RALGAPA2: variants seen among roughly 807,000 people sequenced by gnomAD.
RALGAPA2 encodes ral GTPase-activating protein subunit alpha-2.
RALGAPA2 carries 139 observed loss-of-function variants against 230.4 expected under a neutral mutation model. The ratio of observed to expected loss-of-function variants is 0.60; its 90% confidence interval spans 0.53 to 0.69. The LOEUF is 0.69. RALGAPA2 is among the 30% of genes least tolerant of loss of function. RALGAPA2 has a pLI of 0.00. For missense variants in RALGAPA2, 2,163 were observed against 2,276.0 expected (o/e 0.95, Z 1.01); for synonymous variants, 847 against 837.8 (o/e 1.01, Z -0.19).
chr20:20,688,028 T>A (rs2068767742), intron 1 of RALGAPA2, among the ~76,000 whole-genome samples: 1 of 152,076 alleles, frequency 6.6e-6, no homozygotes, highest in South Asian at 2.1e-4. Context: ...CTTATCTACA[T>A]CAGGAGGCAA....
At chr20:20,615,253 C>A (rs573350528) in intron 13 of RALGAPA2, among the ~76,000 whole-genome samples, 2 of 151,804 alleles carry the variant, frequency 1.3e-5, no homozygotes, top group South Asian at 4.2e-4. Flanking sequence ...CTCCGCCTTC[C>A]GGGTTCAAGC....
intron 36 of RALGAPA2, among the ~76,000 whole-genome samples, chr20:20,482,252 T>C (rs1203088432): frequency 6.6e-6 from 1 of 152,174 alleles, no homozygotes; most frequent in Non-Finnish European, 1.5e-5. Flanking sequence ...TGTGGGGGAA[T>C]ACAGATATGA....
At position 20,529,283 on chromosome 20, in the gene RALGAPA2, G is replaced by A. The variant is rs550225647; in HGVS notation, c.3582+2404C>T. On this transcript the variant is annotated intron_variant, in intron 27 of 39. Coordinates refer to ENST00000202677, the MANE Select transcript of RALGAPA2 (RefSeq NM_020343.4). The stretch of plus-strand genomic sequence containing the variant: ...CTCTTCTCTTTTGCTGCTATCCAGA[G>A]GGGGGAGGATTCAACAGGACAATCT... Among the ~76,000 whole-genome samples the A allele has an allele frequency of 4.6e-5, 7 of 152,152 alleles. No individual in the cohort carries two copies. In the South Asian group the frequency reaches 1.0e-3, roughly 23 times the overall value.
At chr20:20,619,515 T>C in intron 11 of RALGAPA2, 101 bp from the exon 12 acceptor site, 1 of 944,058 alleles carries the variant, frequency 1.1e-6, no homozygotes, top group Non-Finnish European at 1.3e-6. Flanking sequence ...CTAAGTTATA[T>C]TTAGTTGGCA....
intron 5 of RALGAPA2, among the ~76,000 whole-genome samples, 151 bp from the exon 6 acceptor site, chr20:20,641,029 AT>A (rs1452587360): frequency 8.5e-5 from 13 of 152,262 alleles, no homozygotes; most frequent in Non-Finnish European, 4.4e-5. Flanking sequence ...ATAAGCAAAG[AT>A]GCTGCAATAC....
chr20:20,581,153 G>A (rs915601937), intron 20 of RALGAPA2, among the ~76,000 whole-genome samples: 2 of 152,150 alleles, frequency 1.3e-5, no homozygotes, highest in Non-Finnish European at 2.9e-5. Context: ...ACAACATGGA[G>A]TGCATCATAT....
At chr20:20,473,914 T>G (rs1342920467) in intron 36 of RALGAPA2, among the ~76,000 whole-genome samples, 1 of 152,170 alleles carries the variant, frequency 6.6e-6, no homozygotes, top group Non-Finnish European at 1.5e-5. Context: ...TATTATGTGT[T>G]GGACACTGTT....
At chr20:20,516,217 T>C (rs533327968) in intron 31 of RALGAPA2, among the ~76,000 whole-genome samples, 29 of 152,202 alleles carry the variant, frequency 1.9e-4, no homozygotes, top group Admixed American at 5.2e-4. Context: ...TGCTCAACCC[T>C]ATCCCCACCT....
intron 37 of RALGAPA2, among the ~76,000 whole-genome samples, chr20:20,446,134 C>A (rs2060856024): frequency 6.6e-6 from 1 of 151,874 alleles, no homozygotes; most frequent in African/African-American, 2.4e-5. Flanking sequence ...CATAGAAACC[C>A]AAACTGTGAC....
chr20:20,689,958 A>G (rs895445315), intron 1 of RALGAPA2, among the ~76,000 whole-genome samples: 1 of 150,948 alleles, frequency 6.6e-6, no homozygotes, highest in African/African-American at 2.4e-5. Context: ...CCCTAACCTC[A>G]CTCACCCTTC....
intron 14 of RALGAPA2, among the ~76,000 whole-genome samples, chr20:20,610,396 G>A (rs76822341): frequency 0.017 from 2,520 of 152,216 alleles, 95 homozygotes; most frequent in East Asian, 0.14. Context: ...AGCTCACCAG[G>A]TATCAGCCTG....
In RALGAPA2 at chr20:20,653,533, T is replaced by C. The variant is rs201753783; in HGVS notation, c.325A>G (p.Ile109Val). 670 of 1,486,572 alleles carry C rather than the reference T, an allele frequency of 4.5e-4. No homozygotes were observed. Among genetic ancestry groups the C allele is most frequent in the Non-Finnish European group, 5.8e-4 (631 of 1,092,252 alleles). The allele number at this position is 1,486,572 out of a possible 1,614,324, so 92.1% of individuals were successfully genotyped here. The change falls in exon 4 of 40, where the codon ATA becomes GTA. Residue 109 changes from isoleucine to valine, a missense_variant. Coordinates refer to ENST00000202677, the MANE Select transcript of RALGAPA2 (RefSeq NM_020343.4). ...AAAAATTTTTAATTGTTCTTACCTA[T>C]ACTCTGGTAATGCCATCGAAAGAAA... ...RIFFRWHYQS[I>V]GSTLKKLLHT...
rs192724738 is a variant in RALGAPA2 at position 20,401,542 on chromosome 20, G to C, written c.5618-4808C>G. On this transcript the variant is annotated intron_variant, in intron 38 of 39. Coordinates refer to ENST00000202677, the MANE Select transcript of RALGAPA2 (RefSeq NM_020343.4). ...TTAAAACAACTCAGGAGTGACCGGG[G>C]CAGTGAGGTGGGATTACTGTGTGAT... 2.0e-5 allele frequency among the ~76,000 whole-genome samples: 3 copies of C among 152,154 alleles called. No homozygotes were observed. The East Asian group carries it at 5.8e-4, about 29-fold the overall frequency.
At position 20,573,045 on chromosome 20, in the gene RALGAPA2, C is replaced by T. The variant is rs753754504; in HGVS notation, c.2731G>A (p.Asp911Asn). Residue 911 changes from aspartate (D) to asparagine (N), a missense_variant, in exon 21 of 40, where the codon GAC becomes AAC. Coordinates refer to ENST00000202677, the MANE Select transcript of RALGAPA2 (RefSeq NM_020343.4). ...CTCCCCCCGGCGATTATACTACAGT[C>T]ATCTGTGAGGCACTCGCTGCTATCT... The part of the protein sequence containing the change: ...LTDSSECLTD[D>N]CSIIAGGSLT... 1.4e-5 allele frequency: 22 copies of T among 1,608,304 alleles called. No individual in the cohort carries two copies. Among genetic ancestry groups the T allele is most frequent in the Non-Finnish European group, 1.9e-5 (22 of 1,177,252 alleles).
Position 20,586,620 on chromosome 20 carries a change from G to A in RALGAPA2, c.2440-1665C>T, listed in dbSNP as rs113698121. On this transcript the variant is annotated intron_variant, in intron 18 of 39. Transcript: ENST00000202677. ...ATAAAAGTTGGAATCACAAAAACAA[G>A]CAAGCAACAAAAGATTATTAGAAAT... is the stretch of plus-strand genomic sequence containing the variant. Among the ~76,000 whole-genome samples, 1,261 of 152,118 alleles carry A rather than the reference G, an allele frequency of 8.3e-3. 12 individuals carry two copies. The highest frequency in any genetic ancestry group is 0.029 in the African/African-American group (1,197 of 41,490).
At chr20:20,629,637 A>G (rs1014246305) in intron 9 of RALGAPA2, 47 bp from the exon 10 acceptor site, 2 of 1,583,558 alleles carry the variant, frequency 1.3e-6, no homozygotes, top group African/African-American at 1.3e-5. Context: ...CCCCCACTCA[A>G]GAACACCTGG....
At chr20:20,444,478 T>C (rs2060815297) in intron 37 of RALGAPA2, among the ~76,000 whole-genome samples, 1 of 151,892 alleles carries the variant, frequency 6.6e-6, no homozygotes, top group South Asian at 2.1e-4. Flanking sequence ...ACACACACAG[T>C]ACACAGAAGT....
intron 12 of RALGAPA2, among the ~76,000 whole-genome samples, chr20:20,618,808 A>G (rs1474946002): frequency 2.0e-5 from 3 of 152,198 alleles, no homozygotes; most frequent in Non-Finnish European, 4.4e-5. Flanking sequence ...TCCCAAATGG[A>G]GTCAGTTCTA....
At chr20:20,705,220 T>C (rs1337250078) in intron 1 of RALGAPA2, among the ~76,000 whole-genome samples, 1 of 152,254 alleles carries the variant, frequency 6.6e-6, no homozygotes, top group Admixed American at 6.5e-5. Flanking sequence ...ATTTTTGTTG[T>C]TGTTGATACA....
Sources: gnomAD v4.1 joint callset for allele counts (sites outside exome capture counted in the v4.1 genomes callset) on GRCh38, gnomAD v4.1.1 for gene constraint, MANE v1.5 for transcripts, NCBI Gene and HGNC (gene_info 2026-07-23, HGNC 2026-07-21) for gene names.